The following IQGAP2 variants were observed in gnomAD, a reference collection of about 807,000 sequenced individuals.
IQGAP2 encodes ras GTPase-activating-like protein IQGAP2.
Under a neutral mutation model 201.3 loss-of-function variants are expected in IQGAP2, and 173 were observed. That is an observed-to-expected ratio of 0.86 (90% CI 0.76 to 0.98). The LOEUF is 0.98. Among genes scored for constraint, IQGAP2 ranks in the 50% least tolerant of loss-of-function variants. IQGAP2 has a pLI of 0.00. For synonymous variants in IQGAP2, 675 were observed against 673.9 expected (o/e 1.00, Z -0.03); for missense variants, 1,687 against 1,864.8 (o/e 0.90, Z 1.76).
intron 2 of IQGAP2, among the ~76,000 whole-genome samples, chr5:76,493,389 C>G (rs542759055): frequency 2.0e-3 from 310 of 152,154 alleles, no homozygotes; most frequent in Non-Finnish European, 3.5e-3. Flanking sequence ...CCCTCCTTCC[C>G]TGTGTGTCTC....
At position 76,575,727 on chromosome 5, in the gene IQGAP2, G is replaced by C; in HGVS notation, c.416G>C (p.Arg139Pro). 6.3e-7 allele frequency: 1 copy of C among 1,592,726 alleles called. No individual in the cohort carries two copies. Among genetic ancestry groups the C allele is most frequent in the Admixed American group, 1.7e-5 (1 of 58,492 alleles). Residue 139 changes from arginine to proline, a missense_variant, in exon 5 of 36, where the codon CGG becomes CCG. By Grantham distance (103) the Arg-to-Pro change is moderately radical. Coordinates refer to ENST00000274364, the MANE Select transcript of IQGAP2 (RefSeq NM_006633.5). ...CCAGAAACAACAGATGTCTATGATCGGAAAAACATACCAAGAATGATATAT... is the reference window on the plus strand; with the variant it reads ...CCAGAAACAACAGATGTCTATGATCCGAAAAACATACCAAGAATGATATAT... ...FYPETTDVYD[R>P]KNIPRMIYCI... is the part of the protein sequence containing the mutation.
At position 76,695,725 on chromosome 5, in the gene IQGAP2, C is replaced by A; in HGVS notation, c.4206+59C>A. 4 of 1,384,854 alleles carry A rather than the reference C, an allele frequency of 2.9e-6. No homozygotes were observed. In the South Asian group the frequency reaches 5.0e-5, roughly 17 times the overall value. 85.8% of individuals were successfully genotyped at this position (1,384,854 alleles called of 1,614,324 possible). ...TAGCAGACATTTGCTAATCACCAGT[C>A]AAGTGCTGGGCACTCTGTGAGGTGG... On this transcript the variant is annotated intron_variant, in intron 32 of 35. Coordinates refer to ENST00000274364, the MANE Select transcript of IQGAP2 (RefSeq NM_006633.5).
chr5:76,688,317 T>C (rs1419838345), intron 30 of IQGAP2, among the ~76,000 whole-genome samples: 1 of 152,238 alleles, frequency 6.6e-6, no homozygotes, highest in Admixed American at 6.5e-5. Context: ...TTATGTTTAA[T>C]TACAATGTCA....
chr5:76,516,859 T>C (rs1242399153), intron 2 of IQGAP2, among the ~76,000 whole-genome samples: 1 of 152,230 alleles, frequency 6.6e-6, no homozygotes, highest in East Asian at 1.9e-4. Context: ...CTAGCTGCTA[T>C]CTTAACTTAA....
intron 5 of IQGAP2, among the ~76,000 whole-genome samples, chr5:76,577,886 A>G (rs1745575789): frequency 6.6e-6 from 1 of 152,212 alleles, no homozygotes; most frequent in East Asian, 1.9e-4. Flanking sequence ...TACCTGGTAG[A>G]GTAATTAGGC....
intron 30 of IQGAP2, chr5:76,691,786 G>A (rs370451811): frequency 3.6e-4 from 55 of 152,194 alleles, no homozygotes; most frequent in African/African-American, 1.3e-3. Flanking sequence ...AATAGGAAAT[G>A]AGAAAAATGA....
intron 1 of IQGAP2, among the ~76,000 whole-genome samples, chr5:76,411,200 A>T (rs976173199): frequency 1.3e-5 from 2 of 152,066 alleles, no homozygotes; most frequent in Non-Finnish European, 2.9e-5. Context: ...GGCATTTCTG[A>T]TATATAGTTA....
chr5:76,546,717 C>T (rs1334025459), intron 2 of IQGAP2, among the ~76,000 whole-genome samples: 1 of 152,170 alleles, frequency 6.6e-6, no homozygotes, highest in Admixed American at 6.5e-5. Context: ...GCAACACTGC[C>T]TTGGTCTTGC....
Position 76,509,986 on chromosome 5 carries a change from T to C in IQGAP2, c.146+48317T>C, listed in dbSNP as rs1580351011. Reference sequence around the variant, plus strand: ...GATTTAAATGATTAATTTTCTTTCTTTTTTTTTTTTTTTTGTTTGTTTTTT... The same window carrying C: ...GATTTAAATGATTAATTTTCTTTCTCTTTTTTTTTTTTTTGTTTGTTTTTT... On this transcript the variant is annotated intron_variant, in intron 2 of 35. Transcript: ENST00000274364. 1.6e-4 allele frequency among the ~76,000 whole-genome samples: 5 copies of C among 31,094 alleles called. No individual in the cohort carries two copies. The East Asian group carries it at 2.8e-3, about 17-fold the overall frequency. 20.4% of individuals were successfully genotyped at this position (31,094 alleles called of 152,430 possible). A position where few individuals can be genotyped will look rare whatever the true frequency, so the allele number is the denominator to read the frequency against.
rs1193816250 is a variant in IQGAP2, at chr5:76,592,251, C to A, written c.820-587C>A. 2.6e-5 allele frequency among the ~76,000 whole-genome samples: 4 copies of A among 152,078 alleles called. No individual in the cohort carries two copies. The South Asian group carries it at 8.3e-4, about 31-fold the overall frequency. On this transcript the variant is annotated intron_variant, in intron 8 of 35. Transcript: ENST00000274364. The stretch of plus-strand genomic sequence containing the variant: ...AATCTTAGCTTAGCCTTCAGCTGAC[C>A]CCCTCATCTTTTTGGCTCACCATGG...
At chr5:76,583,479 A>T (rs1355258617) in intron 5 of IQGAP2, among the ~76,000 whole-genome samples, 1 of 152,222 alleles carries the variant, frequency 6.6e-6, no homozygotes, top group African/African-American at 2.4e-5. Context: ...AATTGAGGCC[A>T]AACAGAAACT....
At chr5:76,494,035 CTAATG>C (rs904966986) in intron 2 of IQGAP2, among the ~76,000 whole-genome samples, 67 of 152,092 alleles carry the variant, frequency 4.4e-4, no homozygotes, top group Non-Finnish European at 1.3e-4. Context: ...TTTATAATAC[CTAATG>C]TAATGTAAAT....
chr5:76,663,304 G>A (rs1376993317), intron 21 of IQGAP2, among the ~76,000 whole-genome samples: 1 of 152,222 alleles, frequency 6.6e-6, no homozygotes, highest in African/African-American at 2.4e-5. Flanking sequence ...TAAGGACACT[G>A]GGCCAGCATT....
chr5:76,648,132 T>C (rs2150418134), intron 17 of IQGAP2, among the ~76,000 whole-genome samples: 1 of 152,094 alleles, frequency 6.6e-6, no homozygotes, highest in South Asian at 2.1e-4. Context: ...ACCCCTACTC[T>C]CCCAGCCAGA....
At chr5:76,520,233 G>GT (rs895604078) in intron 2 of IQGAP2, among the ~76,000 whole-genome samples, 10 of 152,130 alleles carry the variant, frequency 6.6e-5, no homozygotes, top group South Asian at 6.2e-4. Context: ...GTTAAGGGGG[G>GT]TTTTTTGCCT....
At chr5:76,449,730 G>T (rs1158376330) in intron 1 of IQGAP2, among the ~76,000 whole-genome samples, 2 of 152,160 alleles carry the variant, frequency 1.3e-5, no homozygotes, top group African/African-American at 4.8e-5. Flanking sequence ...TGCTGGCAGG[G>T]CTCTCATGAC....
At chr5:76,580,169 G>C (rs73121895) in intron 5 of IQGAP2, among the ~76,000 whole-genome samples, 3 of 151,844 alleles carry the variant, frequency 2.0e-5, no homozygotes, top group Non-Finnish European at 2.9e-5. Context: ...ACAGCTACTC[G>C]GGAGGCTGAG....
intron 17 of IQGAP2, among the ~76,000 whole-genome samples, chr5:76,648,151 A>T (rs938639572): frequency 2.6e-5 from 4 of 152,140 alleles, no homozygotes; most frequent in African/African-American, 2.4e-5. Flanking sequence ...GAGTGATATC[A>T]AGAGAGGTCC....
At chr5:76,428,102 C>A (rs1752115736) in intron 1 of IQGAP2, among the ~76,000 whole-genome samples, 2 of 152,216 alleles carry the variant, frequency 1.3e-5, no homozygotes, top group South Asian at 4.1e-4. Flanking sequence ...CTGTTAGACT[C>A]TGAGCTATTT....
Sources: allele counts gnomAD v4.1 joint callset (sites outside exome capture counted in the v4.1 genomes callset), GRCh38; gene constraint gnomAD v4.1.1; transcripts MANE v1.5; gene names NCBI Gene and HGNC (gene_info 2026-07-23, HGNC 2026-07-21).